The following HIVEP1 variants were observed in gnomAD, a reference collection of about 807,000 sequenced individuals.
HIVEP1 encodes the protein HIVEP zinc finger 1, also known as zinc finger protein 40.
In HIVEP1, 36 loss-of-function variants were observed where a neutral mutation model predicts 180.0. The observed-to-expected ratio is 0.20, with a 90% CI of 0.15 to 0.26. The LOEUF (loss-of-function observed/expected upper bound fraction) is 0.26. HIVEP1 is among the 10% of genes least tolerant of loss of function. The probability of loss-of-function intolerance (pLI) is 1.00; values close to 1 mark genes in which losing one functional copy is unlikely to be tolerated. For synonymous variants in HIVEP1, 1,239 were observed against 1,239.0 expected (o/e 1.00, Z 0.00); for missense variants, 3,143 against 3,268.7 (o/e 0.96, Z 0.94).
the HIVEP1 span, among the ~76,000 whole-genome samples, chr6:12,184,567 G>A: frequency 1.7e-4 from 26 of 152,242 alleles, no homozygotes; most frequent in African/African-American, 6.0e-4. Context: ...TGCAATCAAC[G>A]TAATGAAGCT....
the HIVEP1 span, among the ~76,000 whole-genome samples, chr6:12,204,915 G>A: frequency 5.9e-5 from 9 of 152,140 alleles, no homozygotes; most frequent in Admixed American, 3.3e-4. Context: ...GTAATGACAC[G>A]GGGGCACTGG....
At chr6:12,175,859 T>C in the HIVEP1 span, among the ~76,000 whole-genome samples, 1 of 152,186 alleles carries the variant, frequency 6.6e-6, no homozygotes, top group Non-Finnish European at 1.5e-5. Context: ...GGAGGGTACG[T>C]ATTGCCTGGC....
chr6:12,197,378 C>T, the HIVEP1 span, among the ~76,000 whole-genome samples: 5 of 151,484 alleles, frequency 3.3e-5, no homozygotes, highest in South Asian at 2.1e-4. Context: ...GCTAACATGG[C>T]GAAACCCCGT....
In HIVEP1 at chr6:12,120,367, A is replaced by T; in HGVS notation, c.572A>T (p.Tyr191Phe). ...CATTGTGGCACTACGTCCCCCTCCTATACAAACACTGCATTCGATGTCTTA... is the reference window on the plus strand; with the variant it reads ...CATTGTGGCACTACGTCCCCCTCCTTTACAAACACTGCATTCGATGTCTTA... ...SSHCGTTSPS[Y>F]TNTAFDVLLK... Residue 191 changes from tyrosine (Y) to phenylalanine (F), a missense_variant, in exon 4 of 9, where the codon TAT becomes TTT. Around this residue, in one of 12 missense-constraint regions of HIVEP1, gnomAD observed 306 missense variants for 310.6 expected, o/e 0.99. Coordinates refer to ENST00000379388, the MANE Select transcript of HIVEP1 (RefSeq NM_002114.4). 6.2e-7 allele frequency: 1 copy of T among 1,614,178 alleles called. No homozygotes were observed. Among genetic ancestry groups the T allele is most frequent in the South Asian group, 1.1e-5 (1 of 91,082 alleles).
At position 12,121,240 on chromosome 6, in the gene HIVEP1, C is replaced by T. The variant is rs777687225; in HGVS notation, c.1445C>T (p.Ala482Val). ...GLFLSHESPK[A>V]LSIHSDVEDS... ...TTCTTGTCCCACGAGTCCCCCAAAG[C>T]ACTTAGTATTCATTCAGACGTAGAA... The change falls in exon 4 of 9, where the codon GCA (alanine) becomes GTA (valine). Residue 482 changes from alanine to valine, a missense_variant. Ala to Val is a moderately conservative substitution (Grantham distance 64). Around this residue, in one of 12 missense-constraint regions of HIVEP1, gnomAD observed 365 missense variants for 344.4 expected, o/e 1.06. Transcript: ENST00000379388. This position sits in a 1 kb window ranked among gnomAD's most constrained non-coding sequence, Gnocchi z 5.3. 1 of 1,614,148 alleles carries T rather than the reference C, an allele frequency of 6.2e-7. No homozygotes were observed. Among genetic ancestry groups the T allele is most frequent in the Admixed American group, 1.7e-5 (1 of 60,024 alleles).
At chr6:12,078,008 C>G (rs1217088017) in intron 2 of HIVEP1, among the ~76,000 whole-genome samples, 2 of 152,044 alleles carry the variant, frequency 1.3e-5, no homozygotes, top group Non-Finnish European at 2.9e-5. Context: ...CAGAGAATTA[C>G]CAATTCTGGA....
intron 7 of HIVEP1, among the ~76,000 whole-genome samples, chr6:12,137,154 GC>G (rs1388702598): frequency 6.6e-6 from 1 of 152,178 alleles, no homozygotes; most frequent in Non-Finnish European, 1.5e-5. Flanking sequence ...GTTGTAAAAA[GC>G]TAGGAAAAGT....
At chr6:12,116,608 C>A (rs1012301400) in intron 3 of HIVEP1, among the ~76,000 whole-genome samples, 1 of 152,246 alleles carries the variant, frequency 6.6e-6, no homozygotes, top group South Asian at 2.1e-4. Context: ...ACTACCTCCT[C>A]CCCTCCCAAG....
Position 12,125,502 on chromosome 6 carries a change from C to G in HIVEP1, c.5707C>G (p.Gln1903Glu), listed in dbSNP as rs762449526. 1.2e-6 allele frequency: 2 copies of G among 1,613,936 alleles called. No homozygotes were observed. Among genetic ancestry groups the G allele is most frequent in the Admixed American group, 1.7e-5 (1 of 60,000 alleles). ...AAGGAAGTCTCCAGGGGTTAAAAAT[C>G]AAGGTGACAAAGTGAACATCCAAGA... is the stretch of plus-strand genomic sequence containing the variant. The part of the protein sequence containing the change: ...QERKSPGVKN[Q>E]GDKVNIQEQS... The change falls in exon 4 of 9, where the codon CAA (glutamine) becomes GAA (glutamate). Residue 1903 changes from glutamine to glutamate, a missense_variant. Transcript: ENST00000379388.
At chr6:12,194,675 G>T in the HIVEP1 span, among the ~76,000 whole-genome samples, 1 of 152,212 alleles carries the variant, frequency 6.6e-6, no homozygotes, top group South Asian at 2.1e-4. Context: ...GATGGCGGGT[G>T]CCTGTAATCC....
intron 2 of HIVEP1, among the ~76,000 whole-genome samples, chr6:12,016,840 CTCATT>C (rs1767787544): frequency 6.6e-6 from 1 of 152,186 alleles, no homozygotes; most frequent in Admixed American, 6.5e-5. Flanking sequence ...GAGACTCACT[CTCATT>C]TGTTACTGTA....
chr6:12,151,290 A>C (rs771825381), intron 7 of HIVEP1, among the ~76,000 whole-genome samples: 2 of 152,230 alleles, frequency 1.3e-5, no homozygotes, highest in Admixed American at 1.3e-4. Flanking sequence ...CTGGGAGGAC[A>C]TAATTAAATG....
chr6:12,069,024 T>G (rs77758709), intron 2 of HIVEP1, among the ~76,000 whole-genome samples: 1 of 152,370 alleles, frequency 6.6e-6, no homozygotes, highest in African/African-American at 2.4e-5. Flanking sequence ...AATTGACTTA[T>G]GTAATGTACA....
upstream of HIVEP1, chr6:12,011,854 C>T (rs1264153549): frequency 2.1e-5 from 3 of 146,168 alleles, no homozygotes; most frequent in South Asian, 2.1e-4. Context: ...CAACCCCAGC[C>T]CCCGCGGGGA....
At chr6:12,139,105 C>G (rs1013738602) in intron 7 of HIVEP1, among the ~76,000 whole-genome samples, 4 of 151,936 alleles carry the variant, frequency 2.6e-5, no homozygotes, top group Non-Finnish European at 4.4e-5. Context: ...CCAAAGTGGC[C>G]TTGTAACAAT....
At chr6:12,024,148 G>C (rs1369543221) in intron 2 of HIVEP1, among the ~76,000 whole-genome samples, 1 of 151,984 alleles carries the variant, frequency 6.6e-6, no homozygotes, top group African/African-American at 2.4e-5. Flanking sequence ...TAACCAAAGA[G>C]AGACCTTTCT....
intron 2 of HIVEP1, among the ~76,000 whole-genome samples, chr6:12,036,546 C>G (rs1306227102): frequency 2.0e-5 from 3 of 152,186 alleles, no homozygotes; most frequent in Non-Finnish European, 2.9e-5. Flanking sequence ...GGATGCACAG[C>G]CCCTTGGGTG....
chr6:12,089,397 C>T (rs1248341268), intron 3 of HIVEP1, among the ~76,000 whole-genome samples, 160 bp downstream of exon 3: 1 of 152,106 alleles, frequency 6.6e-6, no homozygotes, highest in Non-Finnish European at 1.5e-5. Flanking sequence ...GACTTTGCTT[C>T]ATGAAACATT....
chr6:12,192,130 A>G, the HIVEP1 span, among the ~76,000 whole-genome samples: 1 of 152,166 alleles, frequency 6.6e-6, no homozygotes, highest in African/African-American at 2.4e-5. Flanking sequence ...TTTCTTTTTA[A>G]AACATGGAAT....
Sources: allele counts gnomAD v4.1 joint callset (sites outside exome capture counted in the v4.1 genomes callset), GRCh38; gene constraint gnomAD v4.1.1; regional missense constraint gnomAD v4.1.1; non-coding constraint Gnocchi (gnomAD v3.1); transcripts MANE v1.5; gene names NCBI Gene and HGNC (gene_info 2026-07-23, HGNC 2026-07-21).